Variants in PRELID2 observed in about 807,000 individuals in gnomAD.
PRELID2 encodes the protein PRELI domain containing 2.
PRELID2 carries 25 observed loss-of-function variants against 28.4 expected under a neutral mutation model. That is an observed-to-expected ratio of 0.88 (90% CI 0.64 to 1.23). The LOEUF is 1.23. Among genes scored for constraint, PRELID2 ranks in the 50% most tolerant of loss-of-function variants. The pLI is 0.00. For missense variants in PRELID2, 201 were observed against 214.4 expected (o/e 0.94, Z 0.39); for synonymous variants, 76 against 71.6 (o/e 1.06, Z -0.31).
chr5:145,368,332 G>A, the PRELID2 span, among the ~76,000 whole-genome samples: 1 of 151,862 alleles, frequency 6.6e-6, no homozygotes, highest in African/African-American at 2.4e-5. Context: ...GAGGGAGAAT[G>A]GCAAAATGCC....
chr5:145,510,347 A>G (rs34970219), intron 1 of PRELID2, among the ~76,000 whole-genome samples: 35,498 of 152,054 alleles, frequency 0.23, 4,320 homozygotes, highest in South Asian at 0.38. Flanking sequence ...TTTTCTCTCC[A>G]TTGACATTGT....
chr5:145,589,650 C>A (rs927444521), intron 1 of PRELID2, among the ~76,000 whole-genome samples: 2 of 151,986 alleles, frequency 1.3e-5, no homozygotes, highest in Non-Finnish European at 2.9e-5. Flanking sequence ...AGCCTCAGTG[C>A]TTTTCTGGCC....
intron 1 of PRELID2, among the ~76,000 whole-genome samples, chr5:145,486,972 T>C (rs577776038): frequency 6.7e-6 from 1 of 148,500 alleles, no homozygotes; most frequent in African/African-American, 2.5e-5. Context: ...ATCATCATTC[T>C]CAGTAAACTA....
the PRELID2 span, among the ~76,000 whole-genome samples, chr5:145,338,699 T>C: frequency 4.6e-5 from 7 of 152,202 alleles, no homozygotes; most frequent in Non-Finnish European, 7.3e-5. Flanking sequence ...ACAGTTTCAA[T>C]TCCTACCACA....
the PRELID2 span, among the ~76,000 whole-genome samples, chr5:145,317,327 A>AGT: frequency 6.6e-6 from 1 of 152,236 alleles, no homozygotes; most frequent in Non-Finnish European, 1.5e-5. Context: ...GCTCCTGAGC[A>AGT]GTGCATTTTA....
chr5:145,337,607 A>C, the PRELID2 span, among the ~76,000 whole-genome samples: 1 of 150,838 alleles, frequency 6.6e-6, no homozygotes, highest in Admixed American at 6.6e-5. Flanking sequence ...GAACTCAGGT[A>C]AACACATTCA....
intron 1 of PRELID2, among the ~76,000 whole-genome samples, chr5:145,705,092 C>A (rs1237452947): frequency 6.6e-6 from 1 of 152,102 alleles, no homozygotes; most frequent in Non-Finnish European, 1.5e-5. Context: ...TAATGTCTAA[C>A]TCACTCGGAG....
intron 1 of PRELID2, among the ~76,000 whole-genome samples, chr5:145,519,478 C>T (rs1752545542): frequency 6.6e-6 from 1 of 152,190 alleles, no homozygotes. Context: ...TAAACCATTA[C>T]TTGGTTTTCC....
downstream of PRELID2, among the ~76,000 whole-genome samples, chr5:145,753,660 G>A (rs1007164840): frequency 6.6e-6 from 1 of 152,112 alleles, no homozygotes; most frequent in Non-Finnish European, 1.5e-5. Flanking sequence ...ATCACCTTGG[G>A]AGCTACATGC....
intron 1 of PRELID2, among the ~76,000 whole-genome samples, chr5:145,741,034 A>ATATTTGTATACAAATAAAATATATAT (rs1756701497): frequency 8.5e-6 from 1 of 117,796 alleles, no homozygotes; most frequent in Non-Finnish European, 1.6e-5. Context: ...TATATATTAT[A>ATATTTGTATACAAATAAAATATATAT]TATTTGTATA....
intron 1 of PRELID2, among the ~76,000 whole-genome samples, chr5:145,744,648 A>G (rs1051245947): frequency 1.3e-5 from 2 of 152,130 alleles, no homozygotes; most frequent in African/African-American, 4.8e-5. Context: ...AACAAACAGA[A>G]AGCAACAACA....
rs565279973 is a variant in PRELID2, at chr5:145,741,982, AT to A, written n.70+22948del. Reference sequence around the variant, plus strand: ...ATTAAATAAATAAATTTATTTAATTATAATAAATTTATTATAAATAATAAAT... The same window carrying A: ...ATTAAATAAATAAATTTATTTAATTAAATAAATTTATTATAAATAATAAAT... On this transcript the variant is annotated intron_variant and non_coding_transcript_variant, in intron 1 of 2. Coordinates refer to the PRELID2 transcript ENST00000510259. Among the ~76,000 whole-genome samples, 5 of 30,288 alleles carry A rather than the reference AT, an allele frequency of 1.7e-4. 1 individual carries two copies. Among genetic ancestry groups the A allele is most frequent in the African/African-American group, 4.5e-4 (5 of 11,108 alleles). 19.9% of individuals were successfully genotyped at this position (30,288 alleles called of 152,430 possible). A position where few individuals can be genotyped will look rare whatever the true frequency, so the allele number is the denominator to read the frequency against.
chr5:145,628,354 C>T (rs1404476602), intron 1 of PRELID2, among the ~76,000 whole-genome samples: 1 of 152,008 alleles, frequency 6.6e-6, no homozygotes, highest in African/African-American at 2.4e-5. Context: ...GACGGATTCT[C>T]ACTCTGTCAT....
At chr5:145,623,613 A>G (rs1336958754) in intron 1 of PRELID2, among the ~76,000 whole-genome samples, 1 of 152,070 alleles carries the variant, frequency 6.6e-6, no homozygotes, top group Non-Finnish European at 1.5e-5. Flanking sequence ...AGACAGATAG[A>G]TAAATAGATA....
chr5:145,381,466 A>C, the PRELID2 span: 1 of 152,178 alleles, frequency 6.6e-6, no homozygotes, highest in African/African-American at 2.4e-5. Context: ...AACCTAAAAC[A>C]AACTTTAATT....
At chr5:145,649,775 A>T (rs898319915) in intron 1 of PRELID2, among the ~76,000 whole-genome samples, 3 of 152,090 alleles carry the variant, frequency 2.0e-5, no homozygotes, top group Admixed American at 6.5e-5. Context: ...TTTCCATCAA[A>T]CTTCTACATC....
chr5:145,811,025 TGAG>T (rs1480121433), intron 4 of PRELID2, among the ~76,000 whole-genome samples: 1 of 129,276 alleles, frequency 7.7e-6, no homozygotes, highest in East Asian at 2.5e-4. Context: ...TCCACATGGC[TGAG>T]GAGGCCTCAC....
intron 4 of PRELID2, among the ~76,000 whole-genome samples, chr5:145,809,309 C>A (rs1161461818): frequency 6.6e-6 from 1 of 152,132 alleles, no homozygotes; most frequent in Non-Finnish European, 1.5e-5. Context: ...CCCAAAGTGC[C>A]GGGATTACAG....
chr5:145,333,379 T>C, the PRELID2 span, among the ~76,000 whole-genome samples: 3 of 152,178 alleles, frequency 2.0e-5, no homozygotes, highest in Non-Finnish European at 4.4e-5. Flanking sequence ...CAGCTTCCCC[T>C]TCCCCCAGGT....
Sources: gnomAD v4.1 joint callset for allele counts (sites outside exome capture counted in the v4.1 genomes callset) on GRCh38, gnomAD v4.1.1 for gene constraint, MANE v1.5 for transcripts, NCBI Gene and HGNC (gene_info 2026-07-23, HGNC 2026-07-21) for gene names.